RERE: variants seen among roughly 807,000 people sequenced by gnomAD.
RERE encodes arginine-glutamic acid dipeptide repeats.
RERE carries 40 observed loss-of-function variants against 146.1 expected under a neutral mutation model. The ratio of observed to expected loss-of-function variants is 0.27; its 90% CI spans 0.21 to 0.36. RERE has a LOEUF of 0.36. RERE is among the 10% of genes least tolerant of loss of function. RERE has a pLI of 1.00. For synonymous variants in RERE, 1,003 were observed against 866.0 expected (o/e 1.16, Z -2.78); for missense variants, 1,933 against 2,138.7 (o/e 0.90, Z 1.90).
chr1:8,541,842 A>C (rs995496129), intron 6 of RERE, among the ~76,000 whole-genome samples: 10 of 152,218 alleles, frequency 6.6e-5, no homozygotes, highest in Non-Finnish European at 1.3e-4. Flanking sequence ...ATTAAAACCT[A>C]GAGAAATTTT....
intron 1 of RERE, among the ~76,000 whole-genome samples, chr1:8,701,911 C>A (rs768724138): frequency 6.6e-5 from 10 of 152,164 alleles, no homozygotes; most frequent in Non-Finnish European, 1.3e-4. Context: ...AGAAAGGCAA[C>A]TGCCTCTCAG....
chr1:8,455,546 T>C (rs890411485), intron 11 of RERE, among the ~76,000 whole-genome samples: 9 of 152,128 alleles, frequency 5.9e-5, no homozygotes, highest in Non-Finnish European at 1.3e-4. Context: ...AAGGAGTTGG[T>C]TGCTCCTTCC....
intron 1 of RERE, among the ~76,000 whole-genome samples, chr1:8,790,564 T>G: frequency 6.6e-6 from 1 of 152,212 alleles, no homozygotes; most frequent in Non-Finnish European, 1.5e-5. Context: ...AGAAATAAAC[T>G]AAGCCATTTT....
At position 8,361,494 on chromosome 1, in the gene RERE, G is replaced by C. The variant is rs1641580115; in HGVS notation, c.2017-4C>G. ...GCGAGTTGGGCCTGCTGATCTCCTG[G>C]AGTCAGAGAAGGGAAGGATGGAAGT... On this transcript the variant is annotated splice_polypyrimidine_tract_variant and splice_region_variant and intron_variant, in intron 17 of 22. Transcript: ENST00000400908. 2.5e-6 allele frequency: 4 copies of C among 1,609,216 alleles called. No individual in the cohort carries two copies. In the East Asian group the frequency reaches 8.9e-5, roughly 36 times the overall value.
chr1:8,616,262 G>A (rs1409413305), intron 3 of RERE, among the ~76,000 whole-genome samples: 1 of 152,118 alleles, frequency 6.6e-6, no homozygotes, highest in Non-Finnish European at 1.5e-5. Context: ...AATAGTTCAA[G>A]TAATTATTAA....
rs565592737 is a variant in RERE at position 8,700,630 on chromosome 1, G to GT, written c.-144-44190dup. ...GGTTGCTCAAGTCCTTTTGTACAATGTAACGAGAGGTAAGAGACAAGGGGG... is the reference window on the plus strand; with the variant it reads ...GGTTGCTCAAGTCCTTTTGTACAATGTTAACGAGAGGTAAGAGACAAGGGGG... On this transcript the variant is annotated intron_variant, in intron 1 of 22. Coordinates refer to ENST00000400908, the MANE Select transcript of RERE (RefSeq NM_001042681.2). 9.9e-5 allele frequency among the ~76,000 whole-genome samples: 15 copies of GT among 152,272 alleles called. No homozygotes were observed. In the East Asian group the frequency reaches 2.9e-3, roughly 29 times the overall value.
intron 1 of RERE, among the ~76,000 whole-genome samples, chr1:8,664,581 G>C (rs1638529501): frequency 6.6e-6 from 1 of 152,042 alleles, no homozygotes; most frequent in Non-Finnish European, 1.5e-5. Flanking sequence ...CACCATGCCT[G>C]GCTAATTTTT....
rs542179712 is a variant in RERE at position 8,786,599 on chromosome 1, G to C, written c.-145+30561C>G. 7.8e-6 allele frequency: 6 copies of C among 768,118 alleles called. No individual in the cohort carries two copies. In the African/African-American group the frequency reaches 8.4e-5, roughly 11 times the overall value. 47.6% of individuals were successfully genotyped at this position (768,118 alleles called of 1,614,324 possible). ...AAGGTTCCACTGAAGATTTGATAAA[G>C]GCGAAGAAGCTGCAACACCTTTCAG... On this transcript the variant is annotated intron_variant, in intron 1 of 22. Coordinates refer to ENST00000400908, the MANE Select transcript of RERE (RefSeq NM_001042681.2).
Position 8,654,482 on chromosome 1 carries a change from CCTT to C in RERE, c.325+1488_325+1490del, listed in dbSNP as rs1638223864. ...ATAACACAGTGAAGTATTTTAATCT[CCTT>C]CTCAGAAAAACATAAAAATGGGCAG... is the stretch of plus-strand genomic sequence containing the variant. On this transcript the variant is annotated intron_variant, in intron 2 of 22. Coordinates refer to ENST00000400908, the MANE Select transcript of RERE (RefSeq NM_001042681.2). 3.9e-5 allele frequency among the ~76,000 whole-genome samples: 6 copies of C among 152,232 alleles called. No individual in the cohort carries two copies. In the South Asian group the frequency reaches 1.2e-3, roughly 32 times the overall value.
Position 8,656,428 on chromosome 1 carries a change from A to G in RERE, c.-131T>C. The G allele has an allele frequency of 8.2e-7, 1 of 1,216,938 alleles. No individual in the cohort carries two copies. The highest frequency in any genetic ancestry group is 2.4e-5 in the Admixed American group (1 of 40,964). The allele number at this position is 1,216,938 out of a possible 1,614,324, so 75.4% of individuals were successfully genotyped here. A position where few individuals can be genotyped will look rare whatever the true frequency, so the allele number is the denominator to read the frequency against. ...AAATCCAACCACTCCAACAACCCCAACGTTTCAAAAATGCTAGGAGAGAAA... is the reference window on the plus strand; with the variant it reads ...AAATCCAACCACTCCAACAACCCCAGCGTTTCAAAAATGCTAGGAGAGAAA... On this transcript the variant is annotated 5_prime_UTR_variant, in exon 2 of 23. Transcript: ENST00000400908.
intron 4 of RERE, among the ~76,000 whole-genome samples, chr1:8,612,140 T>C (rs1646800599): frequency 6.6e-6 from 1 of 152,262 alleles, no homozygotes; most frequent in Non-Finnish European, 1.5e-5. Flanking sequence ...ATGCAATCAA[T>C]GCTATCCTAT....
chr1:8,508,782 G>T, intron 7 of RERE, 107 bp from the exon 8 acceptor site: 1 of 893,480 alleles, frequency 1.1e-6, no homozygotes. Context: ...AGGAAAAACT[G>T]AGGAAGAATT....
At chr1:8,654,625 G>GTTTTTTTTT (rs1457159066) in intron 2 of RERE, among the ~76,000 whole-genome samples, 1 of 148,130 alleles carries the variant, frequency 6.8e-6, no homozygotes, top group African/African-American at 2.5e-5. Flanking sequence ...AAAGGATCTT[G>GTTTTTTTTT]TTTTGTTTTT....
intron 12 of RERE, among the ~76,000 whole-genome samples, chr1:8,407,373 A>C (rs1643477476): frequency 6.6e-6 from 1 of 152,234 alleles, no homozygotes; most frequent in Admixed American, 6.5e-5. Context: ...GACAGTTCGC[A>C]TCTCAACAGC....
intron 1 of RERE, among the ~76,000 whole-genome samples, chr1:8,743,297 GAGACAAAGTCTC>G (rs1640349744): frequency 6.6e-6 from 1 of 151,826 alleles, no homozygotes; most frequent in South Asian, 2.1e-4. Flanking sequence ...TCTTTTTTTT[GAGACAAAGTCTC>G]ACTCTGTCAT....
intron 4 of RERE, among the ~76,000 whole-genome samples, chr1:8,610,128 T>C (rs1200360487): frequency 6.6e-6 from 1 of 152,216 alleles, no homozygotes; most frequent in African/African-American, 2.4e-5. Context: ...TCTTAACTTT[T>C]AAATTATTTT....
At chr1:8,411,907 T>C (rs972077247) in intron 12 of RERE, among the ~76,000 whole-genome samples, 1 of 152,186 alleles carries the variant, frequency 6.6e-6, no homozygotes, top group Non-Finnish European at 1.5e-5. Context: ...AACTTAATCC[T>C]ATTGTTCCAC....
chr1:8,402,196 G>A (rs745382288), intron 12 of RERE, among the ~76,000 whole-genome samples: 27 of 152,206 alleles, frequency 1.8e-4, no homozygotes, highest in Non-Finnish European at 3.4e-4. Flanking sequence ...GGCTAGGTCA[G>A]AAATGGCCAC....
At chr1:8,392,719 C>T (rs1224355580) in intron 12 of RERE, among the ~76,000 whole-genome samples, 4 of 152,136 alleles carry the variant, frequency 2.6e-5, no homozygotes, top group Non-Finnish European at 5.9e-5. Flanking sequence ...CGCCAGCACA[C>T]CAGAGCAAAC....
Sources: allele counts gnomAD v4.1 joint callset (sites outside exome capture counted in the v4.1 genomes callset), GRCh38; gene constraint gnomAD v4.1.1; transcripts MANE v1.5; gene names NCBI Gene and HGNC (gene_info 2026-07-23, HGNC 2026-07-21).